Variants in NAA11 observed in about 807,000 individuals in gnomAD.
NAA11 encodes N-alpha-acetyltransferase 11.
NAA11 carries 15 observed loss-of-function variants against 16.1 expected under a neutral mutation model. The observed-to-expected ratio is 0.93, with a 90% CI of 0.62 to 1.44. NAA11 has a LOEUF of 1.44. Ranked by LOEUF, NAA11 falls within the 40% of genes most tolerant of loss-of-function variation. The pLI is 0.00. For missense variants in NAA11, 298 were observed against 291.3 expected (o/e 1.02, Z -0.17); for synonymous variants, 122 against 112.4 (o/e 1.09, Z -0.54).
At chr4:79,273,979 A>G (rs1200072286) in intron 2 of NAA11, among the ~76,000 whole-genome samples, 1 of 151,932 alleles carries the variant, frequency 6.6e-6, no homozygotes, top group Non-Finnish European at 1.5e-5. Context: ...GGGGAAGCAT[A>G]AGGATATCTG....
At chr4:79,319,044 A>G (rs1724014558) in intron 1 of NAA11, among the ~76,000 whole-genome samples, 1 of 152,172 alleles carries the variant, frequency 6.6e-6, no homozygotes, top group Non-Finnish European at 1.5e-5. Context: ...CAGCCTCCTG[A>G]GTAGCTAGGA....
chr4:79,268,296 C>T (rs922647527), intron 2 of NAA11, among the ~76,000 whole-genome samples: 1 of 152,064 alleles, frequency 6.6e-6, no homozygotes, highest in Non-Finnish European at 1.5e-5. Context: ...ACAAAGTTTA[C>T]AATTGTAAAG....
At chr4:79,228,680 A>T (rs1435417666) in intron 2 of NAA11, among the ~76,000 whole-genome samples, 2 of 151,948 alleles carry the variant, frequency 1.3e-5, no homozygotes, top group Non-Finnish European at 2.9e-5. Flanking sequence ...TACCCATTGT[A>T]TGGAGGTATC....
At chr4:79,180,090 G>A in the NAA11 span, among the ~76,000 whole-genome samples, 2 of 152,122 alleles carry the variant, frequency 1.3e-5, no homozygotes, top group African/African-American at 4.8e-5. Flanking sequence ...TGGGGATTAC[G>A]GGGACTACAA....
chr4:79,179,155 T>A, the NAA11 span, among the ~76,000 whole-genome samples: 6 of 152,198 alleles, frequency 3.9e-5, no homozygotes, highest in African/African-American at 1.4e-4. Context: ...TGGTTTTAAA[T>A]GTAGTGTATT....
At chr4:79,247,942 G>A (rs1192053715) in intron 2 of NAA11, among the ~76,000 whole-genome samples, 1 of 152,178 alleles carries the variant, frequency 6.6e-6, no homozygotes, top group Non-Finnish European at 1.5e-5. Flanking sequence ...TTTGGTGCGG[G>A]AGTGTCTGTA....
the NAA11 span, among the ~76,000 whole-genome samples, chr4:79,167,156 G>GATATATATATATATATATATATATATA: frequency 2.5e-5 from 1 of 39,556 alleles, no homozygotes; most frequent in African/African-American, 9.5e-5. Flanking sequence ...ATATATATAT[G>GATATATATATATATATATATATATATA]TATATGGAGA....
the NAA11 span, among the ~76,000 whole-genome samples, chr4:79,202,557 C>T: frequency 7.4e-6 from 1 of 134,454 alleles, no homozygotes; most frequent in Non-Finnish European, 1.6e-5. Flanking sequence ...CACACACACC[C>T]CATATGTAGT....
intron 2 of NAA11, among the ~76,000 whole-genome samples, chr4:79,231,672 A>T (rs1721469747): frequency 6.6e-6 from 1 of 151,918 alleles, no homozygotes; most frequent in South Asian, 2.1e-4. Context: ...ATTAGATAAT[A>T]TGTGCATCCT....
At chr4:79,158,698 G>GATATATATATATAT in the NAA11 span, among the ~76,000 whole-genome samples, 353 of 112,062 alleles carry the variant, frequency 3.2e-3, 6 homozygotes, top group African/African-American at 7.7e-3. Flanking sequence ...CACATTACCT[G>GATATATATATATAT]ATATATATAT....
chr4:79,309,714 C>CTTTT (rs71662804), intron 1 of NAA11, among the ~76,000 whole-genome samples: 37 of 81,428 alleles, frequency 4.5e-4, no homozygotes, highest in Non-Finnish European at 5.8e-4. Context: ...TTTTTTTTTT[C>CTTTT]TTTTTTTTTT....
intron 2 of NAA11, among the ~76,000 whole-genome samples, chr4:79,249,847 G>C (rs1721953516): frequency 6.6e-6 from 1 of 152,190 alleles, no homozygotes; most frequent in South Asian, 2.1e-4. Context: ...TACTGGGTGG[G>C]CCAAGATGGC....
intron 2 of NAA11, among the ~76,000 whole-genome samples, chr4:79,285,785 G>A (rs1398708252): frequency 6.6e-6 from 1 of 151,948 alleles, no homozygotes; most frequent in East Asian, 1.9e-4. Context: ...TCTGTCTCAT[G>A]ACTATAGCAA....
At chr4:79,283,630 C>A (rs983921976) in intron 2 of NAA11, among the ~76,000 whole-genome samples, 22 of 152,018 alleles carry the variant, frequency 1.4e-4, no homozygotes, top group East Asian at 1.4e-3. Context: ...AACACAAAAT[C>A]TCTAAGGGTA....
the NAA11 span, among the ~76,000 whole-genome samples, chr4:79,202,873 A>AG: frequency 6.6e-6 from 1 of 150,806 alleles, no homozygotes; most frequent in Non-Finnish European, 1.5e-5. Flanking sequence ...CTTATTAGTG[A>AG]GGTAAACCTA....
chr4:79,169,437 T>C, the NAA11 span, among the ~76,000 whole-genome samples: 19 of 152,110 alleles, frequency 1.2e-4, no homozygotes, highest in Non-Finnish European at 1.9e-4. Context: ...AATAGAGGCC[T>C]CAGAAGTAAC....
At chr4:79,275,004 C>T (rs1722616378) in intron 2 of NAA11, among the ~76,000 whole-genome samples, 1 of 152,100 alleles carries the variant, frequency 6.6e-6, no homozygotes, top group Admixed American at 6.6e-5. Flanking sequence ...CCAGATCCTA[C>T]TTCAGGTCTT....
At chr4:79,158,177 AG>A in the NAA11 span, among the ~76,000 whole-genome samples, 2 of 92,040 alleles carry the variant, frequency 2.2e-5, no homozygotes, top group Non-Finnish European at 5.9e-5. Context: ...CTGGGATTAC[AG>A]CCGTGAGACA....
chr4:79,247,692 A>G (rs371575608), intron 2 of NAA11, among the ~76,000 whole-genome samples: 2 of 152,098 alleles, frequency 1.3e-5, no homozygotes, highest in East Asian at 1.9e-4. Context: ...ACTGGGTTGA[A>G]GGGGGAGAAA....
Sources: gnomAD v4.1 joint callset for allele counts (sites outside exome capture counted in the v4.1 genomes callset) on GRCh38, gnomAD v4.1.1 for gene constraint, MANE v1.5 for transcripts, NCBI Gene and HGNC (gene_info 2026-07-23, HGNC 2026-07-21) for gene names.